Variants in DENND1A observed in about 807,000 individuals in gnomAD.
DENND1A encodes the protein DENN domain containing 1A, also known as DENN domain-containing protein 1A.
In DENND1A, 51 loss-of-function variants were observed where a neutral mutation model predicts 113.7. The ratio of observed to expected loss-of-function variants is 0.45; its 90% CI spans 0.36 to 0.57. The LOEUF is 0.57. Ranked by LOEUF, DENND1A falls within the 20% of genes least tolerant of loss-of-function variation. DENND1A has a pLI of 0.00. For missense variants in DENND1A, 1,258 were observed against 1,395.9 expected (o/e 0.90, Z 1.57); for synonymous variants, 565 against 570.8 (o/e 0.99, Z 0.14).
chr9:123,632,346 T>C (rs1055680872), intron 9 of DENND1A, among the ~76,000 whole-genome samples: 3 of 152,106 alleles, frequency 2.0e-5, no homozygotes, highest in African/African-American at 2.4e-5. Flanking sequence ...TCTATTTCCA[T>C]AGGTACCCAT....
intron 13 of DENND1A, among the ~76,000 whole-genome samples, chr9:123,537,742 G>A (rs1041529495): frequency 7.9e-5 from 12 of 151,914 alleles, no homozygotes; most frequent in Non-Finnish European, 1.6e-4. Context: ...AACACTTTGC[G>A]AGAAGAAAAT....
intron 5 of DENND1A, among the ~76,000 whole-genome samples, chr9:123,708,393 T>C (rs2066368475): frequency 6.6e-6 from 1 of 152,192 alleles, no homozygotes; most frequent in African/African-American, 2.4e-5. Context: ...TATACCTATA[T>C]TAATTACATA....
At chr9:123,627,758 A>G (rs1160451055) in intron 10 of DENND1A, among the ~76,000 whole-genome samples, 3 of 142,932 alleles carry the variant, frequency 2.1e-5, no homozygotes, top group Non-Finnish European at 4.5e-5. Context: ...AAAAAAAAAA[A>G]GAGAGAGAGA....
At position 123,868,730 on chromosome 9, in the gene DENND1A, A is replaced by G. The variant is rs533964739; in HGVS notation, c.88+10221T>C. The stretch of plus-strand genomic sequence containing the variant: ...AAAGCAAAAATTCTAAGGCTCCCCT[A>G]TATCATAATTTATACCCAGATGGCC... On this transcript the variant is annotated intron_variant, in intron 2 of 23. Transcript: ENST00000394215. Among the ~76,000 whole-genome samples the G allele has an allele frequency of 3.0e-4, 45 of 152,366 alleles. No individual in the cohort carries two copies. In the South Asian group the frequency reaches 9.1e-3, roughly 31 times the overall value.
At position 123,930,013 on chromosome 9, in the gene DENND1A, T is replaced by C; in HGVS notation, c.-108A>G. 4.9e-6 allele frequency: 1 copy of C among 203,748 alleles called. No individual in the cohort carries two copies. 12.6% of individuals were successfully genotyped at this position (203,748 alleles called of 1,614,324 possible). On this transcript the variant is annotated 5_prime_UTR_variant, in exon 1 of 24. Coordinates refer to ENST00000394215, the MANE Select transcript of DENND1A (RefSeq NM_001352964.2). ...GGCGCTCTCCCCGCCCCTTCCTCCCTTCCCTCAGGCTGGGGCCCGCCCGCT... is the reference window on the plus strand; with the variant it reads ...GGCGCTCTCCCCGCCCCTTCCTCCCCTCCCTCAGGCTGGGGCCCGCCCGCT...
chr9:123,687,006 T>C lies in DENND1A; in HGVS notation c.303-10217A>G, dbSNP rs568211814. ...CTTAAACCCATTTACGCTCTATGCT[T>C]CAATGCCTTTCCTTGGCAACTTTTT... On this transcript the variant is annotated intron_variant, in intron 5 of 23. Transcript: ENST00000394215. 6.8e-4 allele frequency among the ~76,000 whole-genome samples: 103 copies of C among 152,280 alleles called. 2 individuals are homozygous for C. The highest frequency in any genetic ancestry group is 5.6e-3 in the South Asian group (27 of 4,826).
intron 8 of DENND1A, among the ~76,000 whole-genome samples, chr9:123,657,964 T>C (rs980125731): frequency 1.3e-5 from 2 of 152,036 alleles, no homozygotes. Flanking sequence ...AGAAAAACCA[T>C]TAGAATAAAC....
intron 5 of DENND1A, among the ~76,000 whole-genome samples, chr9:123,709,597 A>G (rs1192470920): frequency 1.3e-5 from 2 of 152,016 alleles, no homozygotes; most frequent in Non-Finnish European, 2.9e-5. Context: ...CCTGCATCCT[A>G]GCTTGCTACT....
intron 12 of DENND1A, among the ~76,000 whole-genome samples, chr9:123,577,954 G>A (rs1392175030): frequency 1.3e-5 from 2 of 152,172 alleles, no homozygotes; most frequent in African/African-American, 4.8e-5. Flanking sequence ...TGACCAACAA[G>A]ATCTCTGACT....
chr9:123,630,680 T>C (rs1046596631), intron 9 of DENND1A, among the ~76,000 whole-genome samples: 10 of 152,188 alleles, frequency 6.6e-5, no homozygotes, highest in Non-Finnish European at 1.5e-4. Context: ...TTTCTGATGA[T>C]AAAGCTAATA....
intron 13 of DENND1A, among the ~76,000 whole-genome samples, chr9:123,484,265 G>A (rs1451024155): frequency 2.0e-5 from 3 of 152,086 alleles, no homozygotes; most frequent in East Asian, 1.9e-4. Flanking sequence ...GGGTTTAATC[G>A]CACCTCTAAC....
intron 13 of DENND1A, among the ~76,000 whole-genome samples, chr9:123,459,579 A>ACTTTTT (rs1167617480): frequency 3.3e-5 from 5 of 152,102 alleles, no homozygotes; most frequent in Non-Finnish European, 7.4e-5. Flanking sequence ...CTAACACCTC[A>ACTTTTT]CTTTTTCTTT....
rs527263802 is a variant in DENND1A at position 123,822,110 on chromosome 9, G to C, written c.89-29480C>G. On this transcript the variant is annotated intron_variant, in intron 2 of 23. Coordinates refer to ENST00000394215, the MANE Select transcript of DENND1A (RefSeq NM_001352964.2). ...CTTTGGCTTCCTTTTGTCTGGGTCTGGCTTTCTATGTCCCCATATATAATC... is the reference window on the plus strand; with the variant it reads ...CTTTGGCTTCCTTTTGTCTGGGTCTCGCTTTCTATGTCCCCATATATAATC... Among the ~76,000 whole-genome samples the C allele has an allele frequency of 2.0e-5, 3 of 152,294 alleles. No individual in the cohort carries two copies. The South Asian group carries it at 6.2e-4, about 32-fold the overall frequency.
At chr9:123,831,974 C>A (rs1840290686) in intron 2 of DENND1A, among the ~76,000 whole-genome samples, 1 of 151,976 alleles carries the variant, frequency 6.6e-6, no homozygotes, top group South Asian at 2.1e-4. Flanking sequence ...CAGAGTGAGA[C>A]TCCATCTCCA....
intron 8 of DENND1A, among the ~76,000 whole-genome samples, chr9:123,664,781 C>A (rs769609710): frequency 6.6e-6 from 1 of 152,070 alleles, no homozygotes. Flanking sequence ...AAGACAGTGA[C>A]CTGTAAGAGT....
intron 2 of DENND1A, among the ~76,000 whole-genome samples, chr9:123,820,322 G>A (rs964004492): frequency 2.6e-5 from 4 of 152,188 alleles, no homozygotes; most frequent in East Asian, 1.9e-4. Flanking sequence ...GAATTATGCC[G>A]AGTCATTATT....
chr9:123,410,452 C>T (rs954510268), intron 20 of DENND1A, among the ~76,000 whole-genome samples: 5 of 152,192 alleles, frequency 3.3e-5, no homozygotes, highest in Non-Finnish European at 5.9e-5. Flanking sequence ...GGGCCAACCA[C>T]AGTTTGATGG....
intron 11 of DENND1A, among the ~76,000 whole-genome samples, chr9:123,592,437 A>C (rs1391719257): frequency 2.6e-5 from 4 of 152,204 alleles, no homozygotes; most frequent in African/African-American, 9.6e-5. Context: ...AATTATTTAG[A>C]CTTCCTGTGC....
At chr9:123,454,808 C>A in intron 15 of DENND1A, 29 bp from the exon 16 acceptor site, 1 of 1,534,976 alleles carries the variant, frequency 6.5e-7, no homozygotes, top group Non-Finnish European at 8.8e-7. Flanking sequence ...GAGAAGCTGT[C>A]ACTTAAAGAG....
Sources: allele counts gnomAD v4.1 joint callset (sites outside exome capture counted in the v4.1 genomes callset), GRCh38; gene constraint gnomAD v4.1.1; transcripts MANE v1.5; gene names NCBI Gene and HGNC (gene_info 2026-07-23, HGNC 2026-07-21).